The following CDH13 variants were observed in gnomAD, a reference collection of about 807,000 sequenced individuals.
CDH13 encodes the protein cadherin 13, also known as cadherin-13.
A neutral mutation model predicts 63.8 loss-of-function variants in CDH13; 24 were observed. The ratio of observed to expected loss-of-function variants is 0.38; its 90% confidence interval spans 0.27 to 0.53. The LOEUF (loss-of-function observed/expected upper bound fraction) is 0.53. Among genes scored for constraint, CDH13 ranks in the 20% least tolerant of loss-of-function variants. The pLI is 0.85. For synonymous variants in CDH13, 503 were observed against 355.3 expected, an observed-to-expected ratio of 1.42 and a Z score of -4.67; for missense variants, 1,049 against 903.1, an observed-to-expected ratio of 1.16 and a Z score of -2.07.
intron 2 of CDH13, among the ~76,000 whole-genome samples, chr16:82,881,124 A>G (rs2040687467): frequency 6.6e-6 from 1 of 152,066 alleles, no homozygotes; most frequent in Non-Finnish European, 1.5e-5. Context: ...TGTAATATGT[A>G]TGGAAAAGGC....
intron 2 of CDH13, among the ~76,000 whole-genome samples, chr16:83,000,691 T>G (rs1486773053): frequency 3.3e-5 from 5 of 151,172 alleles, no homozygotes; most frequent in Non-Finnish European, 1.5e-5. Context: ...GCCATTCTCC[T>G]GCCTCAGCTT....
Position 83,678,246 on chromosome 16 carries a change from G to C in CDH13, c.1323G>C (p.Leu441=). The part of the protein sequence containing the change: ...DYEISAFHTL[L]IKVENEDPLV... ...AAATTTCTGCCTTCCACACCCTGCT[G>C]ATCAAAGTGGAAAATGAAGACCCAC... The change falls in exon 10 of 14, where the codon CTG becomes CTC. Residue 441 remains leucine (L), a synonymous_variant. Transcript: ENST00000567109. 5 of 1,613,854 alleles carry C rather than the reference G, an allele frequency of 3.1e-6. No homozygotes were observed. The highest frequency in any genetic ancestry group is 4.2e-6 in the Non-Finnish European group (5 of 1,179,838).
At chr16:83,092,246 C>G (rs1381400645) in intron 3 of CDH13, among the ~76,000 whole-genome samples, 1 of 152,186 alleles carries the variant, frequency 6.6e-6, no homozygotes, top group African/African-American at 2.4e-5. Flanking sequence ...GGACTACAAC[C>G]TAAATTTTCT....
chr16:82,908,437 C>A (rs545779118), intron 2 of CDH13, among the ~76,000 whole-genome samples: 38 of 152,280 alleles, frequency 2.5e-4, no homozygotes, highest in African/African-American at 8.2e-4. Context: ...TACCTTTGTA[C>A]AATGGACATG....
chr16:82,899,802 G>T (rs966298496), intron 2 of CDH13, among the ~76,000 whole-genome samples: 1 of 152,150 alleles, frequency 6.6e-6, no homozygotes, highest in Non-Finnish European at 1.5e-5. Flanking sequence ...AAAGTGAATC[G>T]CTATGTGTTC....
chr16:83,251,709 T>C (rs1905557891), intron 5 of CDH13, among the ~76,000 whole-genome samples: 1 of 152,222 alleles, frequency 6.6e-6, no homozygotes, highest in Non-Finnish European at 1.5e-5. Context: ...TCTGAATAGC[T>C]ACGCTGAGAA....
At chr16:83,010,246 C>G (rs1914010078) in intron 2 of CDH13, among the ~76,000 whole-genome samples, 1 of 151,282 alleles carries the variant, frequency 6.6e-6, no homozygotes, top group Non-Finnish European at 1.5e-5. Context: ...TGGCACAGCA[C>G]TTTGAGAATC....
chr16:83,136,725 G>C (rs982419976), intron 4 of CDH13, among the ~76,000 whole-genome samples: 2 of 152,050 alleles, frequency 1.3e-5, no homozygotes, highest in African/African-American at 4.8e-5. Context: ...AATGCAGACA[G>C]CTTCAGTACA....
At chr16:82,856,440 G>A (rs1199470157) in intron 1 of CDH13, among the ~76,000 whole-genome samples, 4 of 149,534 alleles carry the variant, frequency 2.7e-5, no homozygotes, top group African/African-American at 9.8e-5. Flanking sequence ...AGTGGCTCAC[G>A]CCTGTAGTCT....
intron 2 of CDH13, among the ~76,000 whole-genome samples, chr16:83,016,579 C>T (rs1255872023): frequency 1.3e-5 from 2 of 152,162 alleles, no homozygotes; most frequent in Admixed American, 6.5e-5. Flanking sequence ...GTTTGATTGG[C>T]ATCCCTGCTG....
At chr16:83,554,919 CTTTTT>C (rs200979734) in intron 7 of CDH13, among the ~76,000 whole-genome samples, 217 of 133,760 alleles carry the variant, frequency 1.6e-3, no homozygotes, top group Admixed American at 2.5e-3. Flanking sequence ...ACTGCTGAAT[CTTTTT>C]TTTTTTTTTT....
intron 7 of CDH13, among the ~76,000 whole-genome samples, chr16:83,591,199 G>A (rs776810631): frequency 1.7e-4 from 26 of 152,072 alleles, no homozygotes; most frequent in Admixed American, 7.2e-4. Flanking sequence ...ATGAGCCACC[G>A]CACCCAGCTG....
chr16:83,581,024 T>C (rs1210038446), intron 7 of CDH13, among the ~76,000 whole-genome samples: 1 of 152,256 alleles, frequency 6.6e-6, no homozygotes, highest in African/African-American at 2.4e-5. Flanking sequence ...CCATTTATTC[T>C]GTTTATTTTT....
At chr16:82,638,311 ACCT>A (rs953125651) in intron 1 of CDH13, among the ~76,000 whole-genome samples, 3 of 152,056 alleles carry the variant, frequency 2.0e-5, no homozygotes, top group African/African-American at 7.2e-5. Context: ...TGCTGAGCAG[ACCT>A]CCTAGCCCTT....
chr16:83,449,773 C>T (rs1209594108), intron 6 of CDH13, among the ~76,000 whole-genome samples: 3 of 152,108 alleles, frequency 2.0e-5, no homozygotes, highest in Non-Finnish European at 2.9e-5. Context: ...ACTGCACCTT[C>T]GTTTTGTAAA....
intron 4 of CDH13, among the ~76,000 whole-genome samples, chr16:83,155,195 A>G (rs2037156984): frequency 6.6e-6 from 1 of 152,256 alleles, no homozygotes; most frequent in Non-Finnish European, 1.5e-5. Context: ...AATATTGGAC[A>G]GCAACAGATT....
rs575254113 is a variant in CDH13 at position 82,690,315 on chromosome 16, C to A, written c.45+63178C>A. On this transcript the variant is annotated intron_variant, in intron 1 of 13. Coordinates refer to ENST00000567109, the MANE Select transcript of CDH13 (RefSeq NM_001257.5). ...CCAGAAAGCTTTGGAAATGTGTCAA[C>A]CCTAAAGCATTGCTATTTTTAAATA... is the stretch of plus-strand genomic sequence containing the variant. Among the ~76,000 whole-genome samples the A allele has an allele frequency of 2.4e-3, 358 of 152,132 alleles. 2 individuals are homozygous for A. Among genetic ancestry groups the A allele is most frequent in the Middle Eastern group, 0.01 (3 of 294 alleles).
intron 6 of CDH13, among the ~76,000 whole-genome samples, chr16:83,425,715 G>A (rs1454807304): frequency 6.6e-6 from 1 of 152,098 alleles, no homozygotes; most frequent in African/African-American, 2.4e-5. Context: ...CTAATCTGCA[G>A]TGTTCAAATA....
At chr16:82,873,045 T>A (rs2040396564) in intron 2 of CDH13, among the ~76,000 whole-genome samples, 1 of 152,170 alleles carries the variant, frequency 6.6e-6, no homozygotes, top group Non-Finnish European at 1.5e-5. Flanking sequence ...CAAGGTCATA[T>A]GATAGAGATT....
Sources: allele counts gnomAD v4.1 joint callset (sites outside exome capture counted in the v4.1 genomes callset), GRCh38; gene constraint gnomAD v4.1.1; transcripts MANE v1.5; gene names NCBI Gene and HGNC (gene_info 2026-07-23, HGNC 2026-07-21).